The following NLRP13 variants were observed in gnomAD, a reference collection of about 807,000 sequenced individuals.
NLRP13 encodes NLR family pyrin domain containing 13, also known as NACHT, LRR and PYD domains-containing protein 13.
NLRP13 carries 82 observed loss-of-function variants against 94.4 expected under a neutral mutation model. The ratio of observed to expected loss-of-function variants is 0.87; its 90% CI spans 0.73 to 1.04. NLRP13 has a LOEUF of 1.04. Ranked by LOEUF, NLRP13 falls within the 50% of genes least tolerant of loss-of-function variation. NLRP13 has a pLI of 0.00. For synonymous variants in NLRP13, 553 were observed against 464.7 expected (o/e 1.19, Z -2.45); for missense variants, 1,426 against 1,230.8 (o/e 1.16, Z -2.37).
intron 4 of NLRP13, among the ~76,000 whole-genome samples, chr19:55,917,361 A>G (rs2123132316): frequency 6.6e-6 from 1 of 152,248 alleles, no homozygotes; most frequent in South Asian, 2.1e-4. Flanking sequence ...AATCACAAAG[A>G]AAAAGAACAA....
intron 7 of NLRP13, among the ~76,000 whole-genome samples, chr19:55,906,986 G>C (rs1260174288): frequency 1.3e-5 from 2 of 151,794 alleles, no homozygotes; most frequent in African/African-American, 4.8e-5. Context: ...TTGAGTTAGA[G>C]TCTTGCTCTG....
chr19:55,923,720 C>T (rs915768474), intron 4 of NLRP13, among the ~76,000 whole-genome samples, 194 bp downstream of exon 4: 15 of 152,112 alleles, frequency 9.9e-5, no homozygotes, highest in African/African-American at 9.7e-5. Flanking sequence ...ATTCGTTGTT[C>T]GGCCAGGGTC....
Position 55,912,676 on chromosome 19 carries a change from C to A in NLRP13, c.1141G>T (p.Val381Leu). The A allele has an allele frequency of 6.2e-7, 1 of 1,614,136 alleles. No individual in the cohort carries two copies. Among genetic ancestry groups the A allele is most frequent in the Non-Finnish European group, 8.5e-7 (1 of 1,180,024 alleles). The change falls in exon 5 of 11, where the codon GTA becomes TTA. Residue 381 changes from valine (V) to leucine (L), a missense_variant. Val to Leu is a conservative substitution (Grantham distance 32). Coordinates refer to ENST00000342929, the MANE Select transcript of NLRP13 (RefSeq NM_176810.2). ...LKASLVNPCFVQITGFTGDDL... is the reference protein window; with the variant it reads ...LKASLVNPCFLQITGFTGDDL... Reference sequence around the variant, plus strand: ...TCCCCTGTGAACCCTGTAATTTGTACAAAGCATGGATTCACTAATGAGGCC... The same window carrying A: ...TCCCCTGTGAACCCTGTAATTTGTAAAAAGCATGGATTCACTAATGAGGCC...
Position 55,898,857 on chromosome 19 carries a change from A to G in NLRP13, c.2870T>C (p.Leu957Ser), listed in dbSNP as rs1986087198. 1 of 1,614,046 alleles carries G rather than the reference A, an allele frequency of 6.2e-7. No homozygotes were observed. The highest frequency in any genetic ancestry group is 1.3e-5 in the African/African-American group (1 of 75,044). ...ALSHNHNVKI[L>S]DLGENDLQDD... The stretch of plus-strand genomic sequence containing the variant: ...CTGAAGATCATTTTCTCCCAAATCC[A>G]AGATTTTCACATTATGATTATGGCT... The change falls in exon 10 of 11, where the codon TTG becomes TCG. Residue 957 changes from leucine to serine, a missense_variant. Transcript: ENST00000342929.
intron 1 of NLRP13, among the ~76,000 whole-genome samples, chr19:55,927,954 T>C (rs1240689241): frequency 6.6e-6 from 1 of 152,144 alleles, no homozygotes; most frequent in Non-Finnish European, 1.5e-5. Flanking sequence ...GCAAACTCAC[T>C]CTCAGATGCA....
chr19:55,930,848 C>T (rs11670308), intron 1 of NLRP13, among the ~76,000 whole-genome samples: 3 of 131,488 alleles, frequency 2.3e-5, no homozygotes, highest in South Asian at 2.4e-4. Flanking sequence ...TAAGACCAGA[C>T]GGCTTACAGG....
At chr19:55,919,129 C>T (rs972532593) in intron 4 of NLRP13, among the ~76,000 whole-genome samples, 1 of 152,092 alleles carries the variant, frequency 6.6e-6, no homozygotes, top group Admixed American at 6.6e-5. Context: ...ACTATATGAT[C>T]ATCTCTACAG....
At chr19:55,913,548 C>CAAAAAAAAAAAAAAAAAAAAAAAAA (rs10530056) in intron 4 of NLRP13, among the ~76,000 whole-genome samples, 31 of 52,062 alleles carry the variant, frequency 6.0e-4, no homozygotes, top group Non-Finnish European at 8.0e-4. Flanking sequence ...GACTCCGTCT[C>CAAAAAAAAAAAAAAAAAAAAAAAAA]AAAAAAAAAA....
intron 10 of NLRP13, 73 bp downstream of exon 10, chr19:55,898,697 G>T: frequency 7.0e-7 from 1 of 1,422,896 alleles, no homozygotes; most frequent in Non-Finnish European, 9.5e-7. Flanking sequence ...AACCCCCGAT[G>T]GGATCCGATC....
rs373368932 is a variant in NLRP13, at chr19:55,907,955, A to C, written c.2284T>G (p.Cys762Gly). 6.3e-7 allele frequency: 1 copy of C among 1,593,368 alleles called. No individual in the cohort carries two copies. Among genetic ancestry groups the C allele is most frequent in the African/African-American group, 1.3e-5 (1 of 74,282 alleles). The change falls in exon 7 of 11, where the codon TGC (cysteine) becomes GGC (glycine). Residue 762 changes from cysteine to glycine, a missense_variant and splice_region_variant. Cys to Gly is a radical substitution (Grantham distance 159, BLOSUM62 -3). Coordinates refer to ENST00000342929, the MANE Select transcript of NLRP13 (RefSeq NM_176810.2). ...ACCCACTCAGGAGTTACCGATTTGC[A>C]CCTGAGGAAGGGAAGGGACATGAAA... ...NPRCKVQKLTCKSVTPEWVLQ... is the reference protein window; with the variant it reads ...NPRCKVQKLTGKSVTPEWVLQ...
At position 55,896,099 on chromosome 19, in the gene NLRP13, G is replaced by T; in HGVS notation, c.2978C>A (p.Thr993Lys). Residue 993 changes from threonine (T) to lysine (K), a missense_variant, in exon 11 of 11, where the codon ACA becomes AAA. Transcript: ENST00000342929. ...HTLGLAKCNLTTACCQHLFSV... is the reference protein window; with the variant it reads ...HTLGLAKCNLKTACCQHLFSV... ...GAAGAGATGCTGGCAGCAAGCAGTT[G>T]TCAGATTGCATTTCGCCAACCTAGG... 1 of 1,614,112 alleles carries T rather than the reference G, an allele frequency of 6.2e-7. No homozygotes were observed. Among genetic ancestry groups the T allele is most frequent in the Admixed American group, 1.7e-5 (1 of 60,010 alleles).
Position 55,898,193 on chromosome 19 carries a change from A to T in NLRP13, c.2957+577T>A, listed in dbSNP as rs538488539. ...CTTCAAGCTTATCATCTAGCAGGAG[A>T]GTTTTTGTTTTTGTTTTTGTTTTTT... On this transcript the variant is annotated intron_variant, in intron 10 of 10. Transcript: ENST00000342929. 1.0e-3 allele frequency among the ~76,000 whole-genome samples: 113 copies of T among 111,418 alleles called. 2 individuals are homozygous for T. The highest frequency in any genetic ancestry group is 3.6e-3 in the African/African-American group (107 of 29,442). The allele number at this position is 111,418 out of a possible 152,430, so 73.1% of individuals were successfully genotyped here. A position where few individuals can be genotyped will look rare whatever the true frequency, so the allele number is the denominator to read the frequency against.
chr19:55,914,823 G>T (rs960369385), intron 4 of NLRP13, among the ~76,000 whole-genome samples: 2 of 152,152 alleles, frequency 1.3e-5, no homozygotes, highest in Non-Finnish European at 2.9e-5. Flanking sequence ...CCATTCATCT[G>T]TTGATGGATA....
chr19:55,900,192 A>C (rs1986127567), intron 9 of NLRP13, among the ~76,000 whole-genome samples: 1 of 152,184 alleles, frequency 6.6e-6, no homozygotes, highest in Non-Finnish European at 1.5e-5. Context: ...AGTTTTAAAA[A>C]CAAGAAAGAA....
Position 55,926,078 on chromosome 19 carries a change from C to T in NLRP13, c.320-1043G>A, listed in dbSNP as rs529778129. 4.6e-5 allele frequency among the ~76,000 whole-genome samples: 7 copies of T among 152,260 alleles called. No individual in the cohort carries two copies. In the East Asian group the frequency reaches 9.7e-4, roughly 21 times the overall value. On this transcript the variant is annotated intron_variant, in intron 1 of 10. Transcript: ENST00000342929. The stretch of plus-strand genomic sequence containing the variant: ...ATAGCCCAAGCAGAGGAAAAGTAGA[C>T]GATTTTCCCCTCTTCACTGGCTCTG...
At chr19:55,903,062 T>C (rs529724659) in intron 8 of NLRP13, among the ~76,000 whole-genome samples, 18 of 151,682 alleles carry the variant, frequency 1.2e-4, no homozygotes, top group Non-Finnish European at 2.4e-4. Context: ...ATGTGTAGAA[T>C]TATAACAGTT....
At position 55,912,735 on chromosome 19, in the gene NLRP13, A is replaced by G. The variant is rs1390506273; in HGVS notation, c.1082T>C (p.Ile361Thr). 6.2e-7 allele frequency: 1 copy of G among 1,614,190 alleles called. No homozygotes were observed. The highest frequency in any genetic ancestry group is 8.5e-7 in the Non-Finnish European group (1 of 1,180,036). ...TCTCACAAACCAGGTCTTGATCGTG[A>G]TCAGTAAGGTAGCCAGGGGAACCAA... ...KELVPLATLL[I>T]TIKTWFVRDL... Residue 361 changes from isoleucine to threonine, a missense_variant, in exon 5 of 11, where the codon ATC becomes ACC. Transcript: ENST00000342929.
chr19:55,910,809 A>C (rs1986488561), intron 5 of NLRP13, 76 bp from the exon 6 acceptor site: 5 of 1,178,516 alleles, frequency 4.2e-6, no homozygotes. Context: ...CCTACGGGAC[A>C]CAGAAAGAAA....
chr19:55,924,271 C>T (rs1986914950), intron 3 of NLRP13, among the ~76,000 whole-genome samples: 1 of 152,102 alleles, frequency 6.6e-6, no homozygotes, highest in African/African-American at 2.4e-5. Context: ...TACAGGCACA[C>T]ACCACCAGGC....
Sources: allele counts gnomAD v4.1 joint callset (sites outside exome capture counted in the v4.1 genomes callset), GRCh38; gene constraint gnomAD v4.1.1; transcripts MANE v1.5; gene names NCBI Gene and HGNC (gene_info 2026-07-23, HGNC 2026-07-21).